KRT23: variants seen among roughly 807,000 people sequenced by gnomAD.
The protein encoded by KRT23 is keratin 23, also known as keratin, type I cytoskeletal 23.
KRT23 carries 38 observed loss-of-function variants against 47.6 expected under a neutral mutation model. The ratio of observed to expected loss-of-function variants is 0.80; its 90% CI spans 0.62 to 1.05. The LOEUF is 1.05. Among genes scored for constraint, KRT23 ranks in the 50% least tolerant of loss-of-function variants. KRT23 has a pLI of 0.00. For synonymous variants in KRT23, 191 were observed against 199.0 expected (o/e 0.96, Z 0.34); for missense variants, 503 against 529.5 (o/e 0.95, Z 0.49).
At chr17:40,923,303 C>T (rs145215678) in intron 8 of KRT23, among the ~76,000 whole-genome samples, 1 of 152,352 alleles carries the variant, frequency 6.6e-6, no homozygotes, top group East Asian at 1.9e-4. Flanking sequence ...GTGTCACCTT[C>T]TGGAGGTGAA....
chr17:40,929,150 G>C (rs1470602876), intron 4 of KRT23, among the ~76,000 whole-genome samples: 1 of 151,940 alleles, frequency 6.6e-6, no homozygotes, highest in East Asian at 1.9e-4. Context: ...AGTGTGCAAA[G>C]TCCTGTTCAG....
intron 6 of KRT23, among the ~76,000 whole-genome samples, chr17:40,927,176 A>C (rs1056008440): frequency 1.3e-5 from 2 of 152,104 alleles, no homozygotes; most frequent in African/African-American, 4.8e-5. Context: ...CTCTGTAGCA[A>C]TTTTCTCCAT....
intron 2 of KRT23, among the ~76,000 whole-genome samples, chr17:40,935,111 G>GT (rs61234380): frequency 0.5 from 68,342 of 137,052 alleles, 18,208 homozygotes; most frequent in East Asian, 0.72. Context: ...GAGTCACCTT[G>GT]TTTTTTTTTT....
intron 4 of KRT23, chr17:40,929,691 T>G (rs1047222767): frequency 2.7e-5 from 12 of 452,044 alleles, no homozygotes; most frequent in Non-Finnish European, 3.9e-5. Flanking sequence ...GTAAACATTG[T>G]GTATTAACAA....
rs140407470 is a variant in KRT23 at position 40,929,977 on chromosome 17, C to T, written c.599G>A (p.Arg200Lys). 114 of 1,614,138 alleles carry T rather than the reference C, an allele frequency of 7.1e-5. No individual in the cohort carries two copies. In the African/African-American group the frequency reaches 1.5e-3, roughly 21 times the overall value. The stretch of plus-strand genomic sequence containing the variant: ...CTTCTTCATGAGAATGAGCTCTTTC[C>T]TCATTCCTTCCACCTCCTGTTCTAG... ...TDLEQEVEGM[R>K]KELILMKKHH... is the part of the protein sequence containing the mutation. The change falls in exon 4 of 9, where the codon AGG (arginine) becomes AAG (lysine). Residue 200 changes from arginine to lysine, a missense_variant. Physicochemically the swap from Arg to Lys is conservative, Grantham distance 26. Coordinates refer to ENST00000209718, the MANE Select transcript of KRT23 (RefSeq NM_015515.5).
chr17:40,925,169 T>A lies in KRT23; in HGVS notation c.1142+185A>T, dbSNP rs569603889. The A allele has an allele frequency of 2.2e-5, 13 of 603,000 alleles. No homozygotes were observed. In the African/African-American group the frequency reaches 2.2e-4, roughly 10 times the overall value. 37.4% of individuals were successfully genotyped at this position (603,000 alleles called of 1,614,324 possible). A position where few individuals can be genotyped will look rare whatever the true frequency, so the allele number is the denominator to read the frequency against. On this transcript the variant is annotated intron_variant, in intron 7 of 8. Transcript: ENST00000209718. ...TGCAAATCTTAGTGTCCTGTGAGTA[T>A]TAGTTGATTAATTATACTTGCTGCT...
chr17:40,935,104 T>A (rs1360165520), intron 2 of KRT23, among the ~76,000 whole-genome samples: 1 of 125,534 alleles, frequency 8.0e-6, no homozygotes, highest in Non-Finnish European at 1.6e-5. Context: ...GACTGTTGAG[T>A]CACCTTGTTT....
chr17:40,923,889 G>A (rs1022367148), intron 8 of KRT23, among the ~76,000 whole-genome samples: 1 of 152,210 alleles, frequency 6.6e-6, no homozygotes, highest in African/African-American at 2.4e-5. Flanking sequence ...GATATTAAAG[G>A]TAATCTGAGA....
intron 6 of KRT23, 102 bp downstream of exon 6, chr17:40,928,136 G>GTTGTGAGAA (rs1909346825): frequency 1.4e-6 from 2 of 1,423,054 alleles, no homozygotes; most frequent in Non-Finnish European, 2.0e-6. Context: ...GAAAGTGAGA[G>GTTGTGAGAA]TTGTCCCAAG....
chr17:40,933,882 T>C (rs1169164106), intron 2 of KRT23, among the ~76,000 whole-genome samples: 2 of 152,220 alleles, frequency 1.3e-5, no homozygotes, highest in East Asian at 3.8e-4. Flanking sequence ...AGTTCATTCT[T>C]TTAAAAGCAA....
chr17:40,931,520 C>T, intron 2 of KRT23, 65 bp from the exon 3 acceptor site: 1 of 1,130,314 alleles, frequency 8.8e-7, no homozygotes, highest in Middle Eastern at 2.0e-4. Flanking sequence ...ATGACCGCTG[C>T]ATGTCTGTCC....
rs111741637 is a variant in KRT23, at chr17:40,933,151, C to T, written c.397-1696G>A. On this transcript the variant is annotated intron_variant, in intron 2 of 8. Coordinates refer to ENST00000209718, the MANE Select transcript of KRT23 (RefSeq NM_015515.5). ...CACTTTTATAGATTCAGTGACTACA[C>T]TGTGAACATCCCCAGGTTCTATATG... 3.1e-3 allele frequency among the ~76,000 whole-genome samples: 466 copies of T among 152,306 alleles called. 1 individual carries two copies. Among genetic ancestry groups the T allele is most frequent in the Non-Finnish European group, 3.7e-3 (249 of 68,032 alleles).
At position 40,936,405 on chromosome 17, in the gene KRT23, G is replaced by C. The variant is rs536887578; in HGVS notation, c.199C>G (p.Leu67Val). 1 of 1,614,044 alleles carries C rather than the reference G, an allele frequency of 6.2e-7. No individual in the cohort carries two copies. Among genetic ancestry groups the C allele is most frequent in the South Asian group, 1.1e-5 (1 of 91,080 alleles). ...GSWGSGRSSP[L>V]LGGNGKATMQ... Reference sequence around the variant, plus strand: ...GTGGCCTTCCCATTTCCGCCTAGTAGGGGGCTGCTTCTTCCAGAACCCCAA... The same window carrying C: ...GTGGCCTTCCCATTTCCGCCTAGTACGGGGCTGCTTCTTCCAGAACCCCAA... Residue 67 changes from leucine to valine, a missense_variant, in exon 2 of 9, where the codon CTA (leucine) becomes GTA (valine). By Grantham distance (32) the Leu-to-Val change is conservative. Coordinates refer to ENST00000209718, the MANE Select transcript of KRT23 (RefSeq NM_015515.5).
chr17:40,936,180 G>A (rs1159307138), intron 2 of KRT23, 28 bp downstream of exon 2: 1 of 1,613,062 alleles, frequency 6.2e-7, no homozygotes, highest in African/African-American at 1.3e-5. Flanking sequence ...AGCCCCATCT[G>A]GATCTCCAGG....
Position 40,925,343 on chromosome 17 carries a change from C to G in KRT23, c.1142+11G>C. On this transcript the variant is annotated intron_variant, in intron 7 of 8. Transcript: ENST00000209718. ...CCTCGCATGCTCCTCTCGTGCCAGC[C>G]TTTGCCTTACCCTTCACTCTCTCCC... is the stretch of plus-strand genomic sequence containing the variant. The G allele has an allele frequency of 6.2e-7, 1 of 1,611,904 alleles. No homozygotes were observed. The highest frequency in any genetic ancestry group is 8.5e-7 in the Non-Finnish European group (1 of 1,179,184).
rs1910125184 is a variant in KRT23, at chr17:40,936,925, GC to G, written c.-323del. 3.2e-6 allele frequency: 1 copy of G among 315,656 alleles called. No homozygotes were observed. Among genetic ancestry groups the G allele is most frequent in the African/African-American group, 2.1e-5 (1 of 46,908 alleles). The allele number at this position is 315,656 out of a possible 1,614,324, so 19.6% of individuals were successfully genotyped here. A position where few individuals can be genotyped will look rare whatever the true frequency, so the allele number is the denominator to read the frequency against. On this transcript the variant is annotated 5_prime_UTR_variant, in exon 2 of 9. The change abolishes the stop of an existing upstream ORF in the 5' untranslated region. Coordinates refer to ENST00000209718, the MANE Select transcript of KRT23 (RefSeq NM_015515.5). ...TGGGCTCAGGTATCTTTCTAATCTT[GC>G]CGTGAAGTTTTTCCATTGTTCATTT...
chr17:40,928,667 A>C (rs1417252658), intron 4 of KRT23, 60 bp from the exon 5 acceptor site: 2 of 1,492,110 alleles, frequency 1.3e-6, no homozygotes, highest in Non-Finnish European at 9.2e-7. Context: ...CTGGATTGCC[A>C]TGTTGATTGG....
intron 2 of KRT23, 111 bp downstream of exon 2, chr17:40,936,097 C>G: frequency 8.5e-7 from 1 of 1,169,812 alleles, no homozygotes; most frequent in Non-Finnish European, 1.2e-6. Context: ...ACAATTACTT[C>G]AAGCGCTGAT....
At chr17:40,928,411 G>T in intron 5 of KRT23, 35 bp downstream of exon 5, 1 of 1,614,036 alleles carries the variant, frequency 6.2e-7, no homozygotes. Context: ...TCATGGAAAT[G>T]CAACCTTTGG....
Sources: allele counts gnomAD v4.1 joint callset (sites outside exome capture counted in the v4.1 genomes callset), GRCh38; gene constraint gnomAD v4.1.1; transcripts MANE v1.5; gene names NCBI Gene and HGNC (gene_info 2026-07-23, HGNC 2026-07-21).